PPP2R2A: variants seen among roughly 807,000 people sequenced by gnomAD.
The protein encoded by PPP2R2A is serine/threonine-protein phosphatase 2A 55 kDa regulatory subunit B alpha isoform.
PPP2R2A carries 9 observed loss-of-function variants against 53.2 expected under a neutral mutation model. That is an observed-to-expected ratio of 0.17 (90% CI 0.10 to 0.30). The LOEUF (loss-of-function observed/expected upper bound fraction) is 0.30. Ranked by LOEUF, PPP2R2A falls within the 10% of genes least tolerant of loss-of-function variation. The probability of loss-of-function intolerance (pLI) is 1.00; values close to 1 mark genes in which losing one functional copy is unlikely to be tolerated. For synonymous variants in PPP2R2A, 169 were observed against 174.2 expected (o/e 0.97, Z 0.23); for missense variants, 235 against 534.6 (o/e 0.44, Z 5.53).
At chr8:26,293,388 G>A in intron 1 of PPP2R2A, 1 of 956,154 alleles carries the variant, frequency 1.0e-6, no homozygotes, top group Non-Finnish European at 1.6e-6. Context: ...CTGAATGTAA[G>A]GCTTTTACTG....
chr8:26,361,449 C>T (rs543695700), intron 6 of PPP2R2A, among the ~76,000 whole-genome samples: 15 of 152,152 alleles, frequency 9.9e-5, no homozygotes, highest in African/African-American at 3.4e-4. Context: ...TTAAAAATCA[C>T]ATTTGTGAGG....
rs570502761 is a variant in PPP2R2A, at chr8:26,358,997, G to A, written c.347-1172G>A. ...ATAGTGGAGAAGCCTGGCAAACATT[G>A]TCTTAACCAAATGACCCAAGTTAAC... On this transcript the variant is annotated intron_variant, in intron 4 of 9. Coordinates refer to ENST00000380737, the MANE Select transcript of PPP2R2A (RefSeq NM_002717.4). 6.7e-4 allele frequency: 303 copies of A among 453,638 alleles called. 1 individual carries two copies. The Middle Eastern group carries it at 0.012, about 18-fold the overall frequency. 28.1% of individuals were successfully genotyped at this position (453,638 alleles called of 1,614,324 possible). A position where few individuals can be genotyped will look rare whatever the true frequency, so the allele number is the denominator to read the frequency against.
intron 9 of PPP2R2A, among the ~76,000 whole-genome samples, chr8:26,369,515 C>A (rs772339500): frequency 2.6e-5 from 4 of 152,076 alleles, no homozygotes; most frequent in African/African-American, 9.7e-5. Context: ...CTCAGCCTCC[C>A]GAGTAGTTGG....
chr8:26,321,405 C>T lies in PPP2R2A; in HGVS notation c.83-17485C>T, dbSNP rs1282352795. On this transcript the variant is annotated intron_variant, in intron 2 of 9. Transcript: ENST00000380737. The surrounding 1 kb of genome is among the most constrained non-coding windows in gnomAD (Gnocchi z 4.1). Reference sequence around the variant, plus strand: ...CCGCTTAAGGTGGCCCCAGTGATCCCTGGCTTCTGGTATTTATGTCTCTGT... The same window carrying T: ...CCGCTTAAGGTGGCCCCAGTGATCCTTGGCTTCTGGTATTTATGTCTCTGT... Among the ~76,000 whole-genome samples the T allele has an allele frequency of 6.6e-6, 1 of 152,216 alleles. No individual in the cohort carries two copies. The highest frequency in any genetic ancestry group is 2.4e-5 in the African/African-American group (1 of 41,458).
rs952972777 is a variant in PPP2R2A, at chr8:26,352,203, A to C, written c.181-2265A>C. 1.4e-4 allele frequency among the ~76,000 whole-genome samples: 21 copies of C among 152,204 alleles called. No individual in the cohort carries two copies. The South Asian group carries it at 2.1e-3, about 15-fold the overall frequency. ...TGTAGGAGAGGTTTTTAAAACAAAA[A>C]CATTGTGTTTGATTTTGATGCATTC... On this transcript the variant is annotated intron_variant, in intron 3 of 9. Coordinates refer to ENST00000380737, the MANE Select transcript of PPP2R2A (RefSeq NM_002717.4).
chr8:26,334,853 T>C (rs887894191), intron 2 of PPP2R2A, among the ~76,000 whole-genome samples: 1 of 152,226 alleles, frequency 6.6e-6, no homozygotes, highest in Non-Finnish European at 1.5e-5. Context: ...TATCAGAACA[T>C]GAGAAGAATA....
rs1805000255 is a variant in PPP2R2A at position 26,360,053 on chromosome 8, G to A, written c.347-116G>A. 4.7e-6 allele frequency: 2 copies of A among 428,124 alleles called. No homozygotes were observed. The highest frequency in any genetic ancestry group is 8.2e-6 in the Non-Finnish European group (2 of 242,956). 26.5% of individuals were successfully genotyped at this position (428,124 alleles called of 1,614,324 possible). ...AATTTTTTAGTAAGTTCAGATTAGG[G>A]TTTTTTTTTTTTTCGTGGAATCCTT... On this transcript the variant is annotated intron_variant, in intron 4 of 9. Transcript: ENST00000380737. The surrounding 1 kb of genome is among the most constrained non-coding windows in gnomAD (Gnocchi z 4.5).
chr8:26,348,330 C>T (rs1804326004), intron 3 of PPP2R2A, among the ~76,000 whole-genome samples: 1 of 152,150 alleles, frequency 6.6e-6, no homozygotes, highest in South Asian at 2.1e-4. Context: ...GTTGAGCATT[C>T]CTAACCCAAA....
intron 2 of PPP2R2A, among the ~76,000 whole-genome samples, chr8:26,296,088 T>A (rs1160839121): frequency 1.3e-5 from 2 of 152,242 alleles, no homozygotes; most frequent in East Asian, 3.8e-4. Flanking sequence ...TAATCTTCTT[T>A]GCATACCTGC....
intron 1 of PPP2R2A, chr8:26,292,421 G>GA (rs1801342611): frequency 1.0e-6 from 1 of 985,402 alleles, no homozygotes; most frequent in Admixed American, 6.2e-5. Context: ...TTTTACCGCC[G>GA]AAGAGTGCAA....
At chr8:26,313,524 C>T (rs138529722) in intron 2 of PPP2R2A, among the ~76,000 whole-genome samples, 29 of 152,164 alleles carry the variant, frequency 1.9e-4, no homozygotes, top group African/African-American at 6.7e-4. Context: ...TAATGGTCCC[C>T]GAAAGAAATC....
chr8:26,326,204 A>G (rs1803076188), intron 2 of PPP2R2A, among the ~76,000 whole-genome samples: 1 of 152,210 alleles, frequency 6.6e-6, no homozygotes, highest in African/African-American at 2.4e-5. Flanking sequence ...TCAGGTCACT[A>G]TCATTGCTAA....
rs1805033011 is a variant in PPP2R2A, at chr8:26,360,670, A to G, written c.460-304A>G. 1 of 331,130 alleles carries G rather than the reference A, an allele frequency of 3.0e-6. No individual in the cohort carries two copies. Among genetic ancestry groups the G allele is most frequent in the Admixed American group, 4.7e-5 (1 of 21,054 alleles). 20.5% of individuals were successfully genotyped at this position (331,130 alleles called of 1,614,324 possible). A position where few individuals can be genotyped will look rare whatever the true frequency, so the allele number is the denominator to read the frequency against. On this transcript the variant is annotated intron_variant, in intron 5 of 9. Coordinates refer to ENST00000380737, the MANE Select transcript of PPP2R2A (RefSeq NM_002717.4). This position sits in a 1 kb window ranked among gnomAD's most constrained non-coding sequence, Gnocchi z 4.5. ...GATGTTATGGGTTAATTTTCTTTTT[A>G]GCCTCTTTAATCTGAACCATAAACA...
chr8:26,333,325 G>A (rs1287276388), intron 2 of PPP2R2A, among the ~76,000 whole-genome samples: 1 of 152,226 alleles, frequency 6.6e-6, no homozygotes, highest in East Asian at 1.9e-4. Flanking sequence ...GGTTACTTTT[G>A]TATTTCTTTG....
In PPP2R2A at chr8:26,353,832, T is replaced by C. The variant is rs745373843; in HGVS notation, c.181-636T>C. ...GCGAGTAAGCAGTTGTTGATGGGGG[T>C]GCATGGGGCCATTGCTGGGTAGTGC... On this transcript the variant is annotated intron_variant, in intron 3 of 9. Transcript: ENST00000380737. Among the ~76,000 whole-genome samples, 13 of 152,078 alleles carry C rather than the reference T, an allele frequency of 8.5e-5. No individual in the cohort carries two copies. In the East Asian group the frequency reaches 2.5e-3, roughly 29 times the overall value.
chr8:26,329,685 C>T (rs1184942076), intron 2 of PPP2R2A, among the ~76,000 whole-genome samples: 2 of 152,100 alleles, frequency 1.3e-5, no homozygotes, highest in East Asian at 1.9e-4. Context: ...GCCAAATGTT[C>T]GTGATGCTGG....
At chr8:26,306,778 A>G (rs1041890100) in intron 2 of PPP2R2A, among the ~76,000 whole-genome samples, 3 of 152,154 alleles carry the variant, frequency 2.0e-5, no homozygotes, top group African/African-American at 7.2e-5. Flanking sequence ...CAGGAGTTCG[A>G]GGTTGCAGTA....
chr8:26,365,242 T>G (rs1054221388), intron 8 of PPP2R2A: 1 of 152,222 alleles, frequency 6.6e-6, no homozygotes, highest in Non-Finnish European at 1.5e-5. Context: ...AAAACTATTT[T>G]TATTGAATTT....
Position 26,371,368 on chromosome 8 carries a change from T to C in PPP2R2A, c.*955T>C, listed in dbSNP as rs1805660699. Reference sequence around the variant, plus strand: ...TAAATGCTACTAGTTTTTTTTTTTTTTTTTACCATCATGAGGGTATTGGAT... The same window carrying C: ...TAAATGCTACTAGTTTTTTTTTTTTCTTTTACCATCATGAGGGTATTGGAT... On this transcript the variant is annotated 3_prime_UTR_variant, in exon 10 of 10. Transcript: ENST00000380737. 1 of 151,854 alleles carries C rather than the reference T, an allele frequency of 6.6e-6. No individual in the cohort carries two copies. The highest frequency in any genetic ancestry group is 1.5e-5 in the Non-Finnish European group (1 of 67,952). 9.4% of individuals were successfully genotyped at this position (151,854 alleles called of 1,614,324 possible).
Sources: allele counts gnomAD v4.1 joint callset (sites outside exome capture counted in the v4.1 genomes callset), GRCh38; gene constraint gnomAD v4.1.1; non-coding constraint Gnocchi (gnomAD v3.1); transcripts MANE v1.5; gene names NCBI Gene and HGNC (gene_info 2026-07-23, HGNC 2026-07-21).